Variants in TMEM168 observed in about 807,000 individuals in gnomAD.
TMEM168 encodes the protein transmembrane protein 168.
Under a neutral mutation model 53.2 loss-of-function variants are expected in TMEM168, and 40 were observed. The ratio of observed to expected loss-of-function variants is 0.75; its 90% CI spans 0.58 to 0.98. TMEM168 has a LOEUF of 0.98. TMEM168 is among the 50% of genes least tolerant of loss of function. The pLI is 0.00. For synonymous variants in TMEM168, 282 were observed against 293.0 expected (o/e 0.96, Z 0.38); for missense variants, 771 against 828.8 (o/e 0.93, Z 0.86).
In TMEM168 at chr7:112,774,359, ATTTTTTT is replaced by A. The variant is rs558123531; in HGVS notation, c.1271+810_1271+816del. Among the ~76,000 whole-genome samples, 37 of 94,258 alleles carry A rather than the reference ATTTTTTT, an allele frequency of 3.9e-4. 1 individual carries two copies. The South Asian group carries it at 7.3e-3, about 19-fold the overall frequency. The allele number at this position is 94,258 out of a possible 152,430, so 61.8% of individuals were successfully genotyped here. On this transcript the variant is annotated intron_variant, in intron 3 of 4. Transcript: ENST00000312814. Reference sequence around the variant, plus strand: ...TTTTCAGTGTGCAGAGTGTTTTTACATTTTTTTTTTTTTTTTTTTTTTTTTTAGTGCT... The same window carrying A: ...TTTTCAGTGTGCAGAGTGTTTTTACATTTTTTTTTTTTTTTTTTTAGTGCT...
At position 112,781,245 on chromosome 7, in the gene TMEM168, A is replaced by C. The variant is rs576233709; in HGVS notation, c.1128+2453T>G. 1.4e-4 allele frequency among the ~76,000 whole-genome samples: 21 copies of C among 152,280 alleles called. No homozygotes were observed. In the East Asian group the frequency reaches 3.7e-3, roughly 27 times the overall value. Reference sequence around the variant, plus strand: ...AATTAACAAGGCTATAGATACATGAACACCACCACCAACCAACTTAATCTA... The same window carrying C: ...AATTAACAAGGCTATAGATACATGACCACCACCACCAACCAACTTAATCTA... On this transcript the variant is annotated intron_variant, in intron 2 of 4. Transcript: ENST00000312814.
intron 2 of TMEM168, among the ~76,000 whole-genome samples, chr7:112,780,935 A>T (rs983517295): frequency 1.6e-5 from 2 of 125,344 alleles, no homozygotes; most frequent in African/African-American, 7.1e-5. Flanking sequence ...CAAATACATG[A>T]TCCGTATCAA....
rs894798895 is a variant in TMEM168 at position 112,775,996 on chromosome 7, A to G, written c.1129-678T>C. ...GGCAATCAGGTATTAATTGCAATGA[A>G]AAAGCAGAAAAAATACTCATTTAAG... On this transcript the variant is annotated intron_variant, in intron 2 of 4. Transcript: ENST00000312814. Among the ~76,000 whole-genome samples the G allele has an allele frequency of 9.3e-4, 141 of 152,032 alleles. 1 individual carries two copies. Among genetic ancestry groups the G allele is most frequent in the Non-Finnish European group, 1.8e-4 (12 of 67,900 alleles).
At position 112,765,082 on chromosome 7, in the gene TMEM168, C is replaced by T. The variant is rs1350598928; in HGVS notation, c.*2115G>A. The T allele has an allele frequency of 1.3e-5, 2 of 152,236 alleles. No homozygotes were observed. Among genetic ancestry groups the T allele is most frequent in the Admixed American group, 1.3e-4 (2 of 15,280 alleles). The allele number at this position is 152,236 out of a possible 1,614,324, so 9.4% of individuals were successfully genotyped here. A position where few individuals can be genotyped will look rare whatever the true frequency, so the allele number is the denominator to read the frequency against. ...CCACCCACCTAGGCCTCCCAAAGTG[C>T]TGGGATTACAGGCGTGAGCCACTGC... On this transcript the variant is annotated 3_prime_UTR_variant, in exon 5 of 5. Transcript: ENST00000312814.
Position 112,773,050 on chromosome 7 carries a change from T to A in TMEM168, c.1277A>T (p.Asp426Val). The A allele has an allele frequency of 1.9e-6, 3 of 1,601,840 alleles. No individual in the cohort carries two copies. The highest frequency in any genetic ancestry group is 1.7e-6 in the Non-Finnish European group (2 of 1,170,926). The stretch of plus-strand genomic sequence containing the variant: ...TGGGGGAAGCAGTGTTGGCTGACCA[T>A]CAGGACTGAAGTAGGAGAAAAAACA... The part of the protein sequence containing the change: ...IVIPTNFCSP[D>V]GQPTLLPPEH... Residue 426 changes from aspartate (D) to valine (V), a missense_variant, in exon 4 of 5, where the codon GAT becomes GTT. Physicochemically the swap from Asp to Val is radical, Grantham distance 152. Coordinates refer to ENST00000312814, the MANE Select transcript of TMEM168 (RefSeq NM_022484.6).
chr7:112,768,871 G>A (rs1792857617), intron 4 of TMEM168, among the ~76,000 whole-genome samples: 1 of 152,046 alleles, frequency 6.6e-6, no homozygotes, highest in Non-Finnish European at 1.5e-5. Context: ...TAAAACCTTA[G>A]GAGGAAATCT....
At chr7:112,776,635 A>G (rs538907091) in intron 2 of TMEM168, among the ~76,000 whole-genome samples, 11 of 152,188 alleles carry the variant, frequency 7.2e-5, no homozygotes, top group African/African-American at 2.4e-4. Context: ...GAAAATACAA[A>G]TAAGTAAAAA....
intron 2 of TMEM168, among the ~76,000 whole-genome samples, chr7:112,777,986 T>C (rs1466047061): frequency 1.3e-5 from 2 of 151,444 alleles, no homozygotes; most frequent in Non-Finnish European, 1.5e-5. Context: ...ATAAAAATTA[T>C]ATTATTATTA....
At chr7:112,777,619 G>GT (rs1793119507) in intron 2 of TMEM168, among the ~76,000 whole-genome samples, 1 of 151,986 alleles carries the variant, frequency 6.6e-6, no homozygotes, top group Non-Finnish European at 1.5e-5. Flanking sequence ...CTTCTGAACT[G>GT]TATCTTCCAG....
In TMEM168 at chr7:112,766,972, CTT is replaced by C. The variant is rs984109031; in HGVS notation, c.*223_*224del. The stretch of plus-strand genomic sequence containing the variant: ...AAGTGCAGTGTTATTTTTAACGTCT[CTT>C]ATGCATTTACAGTAAGCATTTGACT... On this transcript the variant is annotated 3_prime_UTR_variant, in exon 5 of 5. Coordinates refer to ENST00000312814, the MANE Select transcript of TMEM168 (RefSeq NM_022484.6). The C allele has an allele frequency of 1.4e-5, 7 of 509,924 alleles. No individual in the cohort carries two copies. The highest frequency in any genetic ancestry group is 1.2e-4 in the African/African-American group (6 of 51,708). 31.6% of individuals were successfully genotyped at this position (509,924 alleles called of 1,614,324 possible).
Position 112,775,287 on chromosome 7 carries a change from A to G in TMEM168, c.1160T>C (p.Leu387Pro), listed in dbSNP as rs1254100299. ...CATGGATTCCAATGGCAAAACGATT[A>G]GAAACATGCTCAAGAAAATTCCATT... ...PTNGIFLSMF[L>P]IVLPLESMAH... is the part of the protein sequence containing the mutation. Residue 387 changes from leucine to proline, a missense_variant, in exon 3 of 5, where the codon CTA (leucine) becomes CCA (proline). By Grantham distance (98) the Leu-to-Pro change is moderately conservative. Transcript: ENST00000312814. The G allele has an allele frequency of 6.2e-7, 1 of 1,613,548 alleles. No individual in the cohort carries two copies. Among genetic ancestry groups the G allele is most frequent in the African/African-American group, 1.3e-5 (1 of 74,914 alleles).
At position 112,775,279 on chromosome 7, in the gene TMEM168, A is replaced by G. The variant is rs1793047535; in HGVS notation, c.1168T>C (p.Leu390=). Residue 390 remains leucine (L), a synonymous_variant, in exon 3 of 5, where the codon TTG becomes CTG. Transcript: ENST00000312814. ...CCATGAGCCATGGATTCCAATGGCA[A>G]AACGATTAGAAACATGCTCAAGAAA... The part of the protein sequence containing the change: ...GIFLSMFLIV[L]PLESMAHGLF... 1.9e-6 allele frequency: 3 copies of G among 1,613,356 alleles called. No homozygotes were observed. Among genetic ancestry groups the G allele is most frequent in the Non-Finnish European group, 2.5e-6 (3 of 1,179,790 alleles).
chr7:112,765,764 A>G lies in TMEM168; in HGVS notation c.*1433T>C, dbSNP rs1792760455. 6.6e-6 allele frequency: 1 copy of G among 151,948 alleles called. No individual in the cohort carries two copies. Among genetic ancestry groups the G allele is most frequent in the Non-Finnish European group, 1.5e-5 (1 of 68,024 alleles). The allele number at this position is 151,948 out of a possible 1,614,324, so 9.4% of individuals were successfully genotyped here. ...TTAACAAAATTTTATTTAGAGCATTAGGAAAATCATATTCAAAACACAGAA... is the reference window on the plus strand; with the variant it reads ...TTAACAAAATTTTATTTAGAGCATTGGGAAAATCATATTCAAAACACAGAA... On this transcript the variant is annotated 3_prime_UTR_variant, in exon 5 of 5. Coordinates refer to ENST00000312814, the MANE Select transcript of TMEM168 (RefSeq NM_022484.6).
intron 1 of TMEM168, among the ~76,000 whole-genome samples, chr7:112,785,361 T>A (rs1358968766): frequency 6.6e-6 from 1 of 152,226 alleles, no homozygotes; most frequent in Non-Finnish European, 1.5e-5. Flanking sequence ...TACCTCTAAT[T>A]TGAAAAGCAC....
rs149884348 is a variant in TMEM168, at chr7:112,784,324, C to A, written c.502G>T (p.Ala168Ser). 3.7e-6 allele frequency: 6 copies of A among 1,614,052 alleles called. No homozygotes were observed. Among genetic ancestry groups the A allele is most frequent in the Non-Finnish European group, 5.1e-6 (6 of 1,180,028 alleles). The change falls in exon 2 of 5, where the codon GCC becomes TCC. Residue 168 changes from alanine to serine, a missense_variant. Transcript: ENST00000312814. ...TTCTCCACCAACATAGTTGTGCTGG[C>A]AATGGCAAATCCAACAAGCTCCAGA... ...EFLELVGFAI[A>S]STTMLVEKSL... is the part of the protein sequence containing the mutation.
chr7:112,789,990 C>G (rs1378625454), intron 1 of TMEM168, among the ~76,000 whole-genome samples, 170 bp downstream of exon 1: 4 of 152,200 alleles, frequency 2.6e-5, no homozygotes, highest in African/African-American at 7.2e-5. Flanking sequence ...CGGAGAGGCG[C>G]TCCCACACCC....
chr7:112,783,623 T>C (rs912528027), intron 2 of TMEM168, 75 bp downstream of exon 2: 1 of 1,337,658 alleles, frequency 7.5e-7, no homozygotes, highest in Non-Finnish European at 9.8e-7. Context: ...CTTGACCTTA[T>C]AACTTTAATT....
Position 112,764,538 on chromosome 7 carries a change from G to C in TMEM168, c.*2659C>G, listed in dbSNP as rs1322596788. On this transcript the variant is annotated 3_prime_UTR_variant, in exon 5 of 5. Transcript: ENST00000312814. ...TTTTTTTGAGATGGAGTCTCTCTCTGTTGCCAGGCTGGAGTGCAGTGGCGC... is the reference window on the plus strand; with the variant it reads ...TTTTTTTGAGATGGAGTCTCTCTCTCTTGCCAGGCTGGAGTGCAGTGGCGC... 1.4e-5 allele frequency: 2 copies of C among 142,952 alleles called. No homozygotes were observed. The highest frequency in any genetic ancestry group is 5.5e-5 in the African/African-American group (2 of 36,356). 8.9% of individuals were successfully genotyped at this position (142,952 alleles called of 1,614,324 possible).
Position 112,765,967 on chromosome 7 carries a change from A to G in TMEM168, c.*1230T>C, listed in dbSNP as rs2116205866. ...AATGGTGAGAAGGCAAACCATTTAAACAATGAAGATTAGATTATACCCCAA... is the reference window on the plus strand; with the variant it reads ...AATGGTGAGAAGGCAAACCATTTAAGCAATGAAGATTAGATTATACCCCAA... On this transcript the variant is annotated 3_prime_UTR_variant, in exon 5 of 5. Coordinates refer to ENST00000312814, the MANE Select transcript of TMEM168 (RefSeq NM_022484.6). 6.6e-6 allele frequency: 1 copy of G among 152,172 alleles called. No homozygotes were observed. Among genetic ancestry groups the G allele is most frequent in the East Asian group, 1.9e-4 (1 of 5,180 alleles). 9.4% of individuals were successfully genotyped at this position (152,172 alleles called of 1,614,324 possible). A position where few individuals can be genotyped will look rare whatever the true frequency, so the allele number is the denominator to read the frequency against.
Sources: allele counts gnomAD v4.1 joint callset (sites outside exome capture counted in the v4.1 genomes callset), GRCh38; gene constraint gnomAD v4.1.1; transcripts MANE v1.5; gene names NCBI Gene and HGNC (gene_info 2026-07-23, HGNC 2026-07-21).